The following A2ML1 variants were observed in gnomAD, a reference collection of about 807,000 sequenced individuals.
A2ML1 encodes the protein alpha-2-macroglobulin-like protein 1.
Under a neutral mutation model 181.9 loss-of-function variants are expected in A2ML1, and 161 were observed. That is an observed-to-expected ratio of 0.89 (90% CI 0.78 to 1.01). The LOEUF (loss-of-function observed/expected upper bound fraction) is 1.01. Among genes scored for constraint, A2ML1 ranks in the 50% least tolerant of loss-of-function variants. The pLI, the probability that A2ML1 is intolerant of heterozygous loss-of-function variation, is 0.00. For synonymous variants in A2ML1, 663 were observed against 666.8 expected, an observed-to-expected ratio of 0.99 and a Z score of 0.09; for missense variants, 1,670 against 1,768.1, an observed-to-expected ratio of 0.94 and a Z score of 1.00.
chr12:8,853,542 C>T (rs1295797024), intron 20 of A2ML1, among the ~76,000 whole-genome samples: 2 of 152,158 alleles, frequency 1.3e-5, no homozygotes, highest in Non-Finnish European at 2.9e-5. Context: ...TCAGTCAGGA[C>T]TCTGGTTTCA....
chr12:8,840,372 A>C (rs1434234421), intron 10 of A2ML1, among the ~76,000 whole-genome samples: 3 of 151,780 alleles, frequency 2.0e-5, no homozygotes, highest in Admixed American at 6.6e-5. Context: ...AAAAAAAAAA[A>C]AGATAAATAC....
downstream of A2ML1, among the ~76,000 whole-genome samples, chr12:8,879,131 C>A (rs116779477): frequency 4.9e-4 from 75 of 152,058 alleles, no homozygotes; most frequent in African/African-American, 1.7e-3. Context: ...GGAAGATATG[C>A]AAAGGAGGTC....
At chr12:8,884,084 C>A (rs1484928990) in intron 7 of A2ML1, among the ~76,000 whole-genome samples, 2 of 152,120 alleles carry the variant, frequency 1.3e-5, no homozygotes, top group Non-Finnish European at 1.5e-5. Flanking sequence ...CCACACCTGG[C>A]CCTGTTTTTT....
chr12:8,825,428 G>A (rs773798763), intron 3 of A2ML1, among the ~76,000 whole-genome samples: 21 of 151,920 alleles, frequency 1.4e-4, no homozygotes, highest in African/African-American at 3.9e-4. Flanking sequence ...CTTTTTGCCC[G>A]TTCTTTAATC....
chr12:8,840,776 C>T (rs1017847025), intron 10 of A2ML1, among the ~76,000 whole-genome samples: 1 of 151,690 alleles, frequency 6.6e-6, no homozygotes, highest in Admixed American at 6.6e-5. Flanking sequence ...GGTATGGTGG[C>T]ACGGGCCTAT....
Position 8,849,759 on chromosome 12 carries a change from GGT to G in A2ML1, c.2119+1_2119+2del, listed in dbSNP as rs1491126081. The G allele has an allele frequency of 6.2e-7, 1 of 1,613,838 alleles. No individual in the cohort carries two copies. Among genetic ancestry groups the G allele is most frequent in the Admixed American group, 1.7e-5 (1 of 60,004 alleles). Reference sequence around the variant, plus strand: ...TCCAGAATACAGCACTGCTATGGGTGGTAAGCCACCTCTGTGGTCTGTGGATT... The same window carrying G: ...TCCAGAATACAGCACTGCTATGGGTGAAGCCACCTCTGTGGTCTGTGGATT... On this transcript the variant is annotated splice_donor_variant, in intron 17 of 35. Coordinates refer to ENST00000299698, the MANE Select transcript of A2ML1 (RefSeq NM_144670.6). LOFTEE classifies it high-confidence loss of function.
intron 9 of A2ML1, 44 bp downstream of exon 9, chr12:8,838,494 A>C: frequency 2.0e-6 from 3 of 1,492,436 alleles, no homozygotes; most frequent in Non-Finnish European, 2.8e-6. Flanking sequence ...GAGAAAGAAA[A>C]AGGGCTGGTC....
chr12:8,861,932 G>T (rs1241297766), intron 28 of A2ML1, among the ~76,000 whole-genome samples: 12 of 151,358 alleles, frequency 7.9e-5, no homozygotes, highest in Non-Finnish European at 8.8e-5. Context: ...GCTAATTTTT[G>T]TATTTTTAGT....
At chr12:8,854,274 C>G in intron 21 of A2ML1, 25 bp downstream of exon 21, 1 of 1,574,094 alleles carries the variant, frequency 6.4e-7, no homozygotes, top group South Asian at 1.2e-5. Context: ...GAGGTAGAGA[C>G]AGCAACCAAC....
At chr12:8,878,131 A>G (rs1390975395), downstream of A2ML1, among the ~76,000 whole-genome samples, 1 of 140,398 alleles carries the variant, frequency 7.1e-6, no homozygotes, top group Non-Finnish European at 1.6e-5. This position sits in a 1 kb window ranked among gnomAD's most constrained non-coding sequence, Gnocchi z 4.4. Flanking sequence ...GGCAAAACCC[A>G]TCTCTACTAA....
Position 8,858,210 on chromosome 12 carries a change from A to G in A2ML1, c.3264+108A>G, listed in dbSNP as rs12304546. ...TGGCCTGGGAATCAGTTTTCTCCTG[A>G]TCTCCACTGTGGCTCTGGGTGACCG... On this transcript the variant is annotated intron_variant, in intron 26 of 35. Coordinates refer to ENST00000299698, the MANE Select transcript of A2ML1 (RefSeq NM_144670.6). The G allele has an allele frequency of 6.7e-3, 9,032 of 1,338,706 alleles. 542 individuals are homozygous for G. The African/African-American group carries it at 0.12, about 17-fold the overall frequency. 82.9% of individuals were successfully genotyped at this position (1,338,706 alleles called of 1,614,324 possible).
Position 8,884,240 on chromosome 12 carries a change from T to TC in A2ML1, c.*95-2267_*95-2266insC, listed in dbSNP as rs1565501383. Among the ~76,000 whole-genome samples, 124 of 139,042 alleles carry TC rather than the reference T, an allele frequency of 8.9e-4. 1 individual carries two copies. The highest frequency in any genetic ancestry group is 3.4e-3 in the African/African-American group (122 of 36,316). The allele number at this position is 139,042 out of a possible 152,430, so 91.2% of individuals were successfully genotyped here. A position where few individuals can be genotyped will look rare whatever the true frequency, so the allele number is the denominator to read the frequency against. On this transcript the variant is annotated intron_variant and NMD_transcript_variant, in intron 7 of 7. Transcript: ENST00000537475. Reference sequence around the variant, plus strand: ...CTTTTTTTTATTTTTTGTTTTTTTTTGTTTTGTTTTTTTTTAACTATTTTC... The same window carrying TC: ...CTTTTTTTTATTTTTTGTTTTTTTTTCGTTTTGTTTTTTTTTAACTATTTTC...
intron 7 of A2ML1, among the ~76,000 whole-genome samples, chr12:8,882,566 T>C (rs943776953): frequency 6.6e-6 from 1 of 152,186 alleles, no homozygotes; most frequent in Non-Finnish European, 1.5e-5. Flanking sequence ...AGAACATTCC[T>C]CCACCCCTAT....
rs780439005 is a variant in A2ML1 at position 8,874,408 on chromosome 12, A to T, written c.4222-17A>T. On this transcript the variant is annotated splice_polypyrimidine_tract_variant and intron_variant, in intron 33 of 35. Transcript: ENST00000299698. Reference sequence around the variant, plus strand: ...CATTTTACTTCTAAGGTACTGTTTCATCTGTCTTCCCCACAGCTCATTAAG... The same window carrying T: ...CATTTTACTTCTAAGGTACTGTTTCTTCTGTCTTCCCCACAGCTCATTAAG... 6 of 1,587,120 alleles carry T rather than the reference A, an allele frequency of 3.8e-6. No homozygotes were observed. The highest frequency in any genetic ancestry group is 5.2e-6 in the Non-Finnish European group (6 of 1,155,798).
At chr12:8,824,020 T>G in intron 3 of A2ML1, 138 bp downstream of exon 3, 2 of 971,576 alleles carry the variant, frequency 2.1e-6, no homozygotes, top group Non-Finnish European at 1.4e-6. Flanking sequence ...GGGGATTAAG[T>G]AGTGCAAGTG....
intron 7 of A2ML1, among the ~76,000 whole-genome samples, chr12:8,884,215 CT>C (rs946882849): frequency 6.5e-5 from 8 of 122,964 alleles, no homozygotes; most frequent in African/African-American, 2.1e-4. Flanking sequence ...TTTTGAAATT[CT>C]TTTTTTTATT....
rs149796562 is a variant in A2ML1, at chr12:8,829,110, A to C, written c.410-617A>C. On this transcript the variant is annotated intron_variant, in intron 3 of 35. Transcript: ENST00000299698. ...CAGTGATATAAAGTTAAAACCAGGC[A>C]CTGTGATCACTCTTCTGATTTTTGG... Among the ~76,000 whole-genome samples, 5 of 152,222 alleles carry C rather than the reference A, an allele frequency of 3.3e-5. No homozygotes were observed. In the East Asian group the frequency reaches 9.7e-4, roughly 29 times the overall value.
At chr12:8,854,511 G>A (rs150003838) in intron 21 of A2ML1, among the ~76,000 whole-genome samples, 17 of 152,196 alleles carry the variant, frequency 1.1e-4, no homozygotes, top group South Asian at 2.1e-4. Context: ...TGCCTTTTTC[G>A]TCCCATCATG....
chr12:8,827,542 G>A (rs189000009), intron 3 of A2ML1, among the ~76,000 whole-genome samples: 2 of 152,074 alleles, frequency 1.3e-5, no homozygotes, highest in East Asian at 3.9e-4. Context: ...CCTCAAAACA[G>A]CTATTTTGAA....
Sources: gnomAD v4.1 joint callset for allele counts (sites outside exome capture counted in the v4.1 genomes callset) on GRCh38, gnomAD v4.1.1 for gene constraint, Gnocchi (gnomAD v3.1) non-coding constraint, MANE v1.5 for transcripts, NCBI Gene and HGNC (gene_info 2026-07-23, HGNC 2026-07-21) for gene names.